The following ALMS1 variants were observed in gnomAD, a reference collection of about 807,000 sequenced individuals.
ALMS1 encodes ALMS1 centrosome and basal body associated protein.
Under a neutral mutation model 352.2 loss-of-function variants are expected in ALMS1, and 271 were observed. That is an observed-to-expected ratio of 0.77 (90% CI 0.70 to 0.85). The LOEUF (loss-of-function observed/expected upper bound fraction) is 0.85, where lower values mean the gene tolerates loss of function less well. ALMS1 is among the 40% of genes least tolerant of loss of function. ALMS1 has a pLI of 0.00. For synonymous variants in ALMS1, 1,865 were observed against 1,761.2 expected (o/e 1.06, Z -1.48); for missense variants, 5,445 against 4,870.7 (o/e 1.12, Z -3.51).
intron 10 of ALMS1, among the ~76,000 whole-genome samples, chr2:73,493,374 CACAG>C (rs1673032225): frequency 6.7e-6 from 1 of 149,414 alleles, no homozygotes; most frequent in South Asian, 2.1e-4. Flanking sequence ...CACACACACA[CACAG>C]ATGCATAAAA....
chr2:73,558,198 G>C (rs1674583727), intron 14 of ALMS1, among the ~76,000 whole-genome samples: 1 of 152,116 alleles, frequency 6.6e-6, no homozygotes, highest in Non-Finnish European at 1.5e-5. Context: ...CTAAAGTTAG[G>C]GTTCTGTTTA....
In ALMS1 at chr2:73,452,279, T is replaced by C. The variant is rs773937542; in HGVS notation, c.5752T>C (p.Leu1918=). Residue 1918 remains leucine (L), a synonymous_variant, in exon 8 of 23, where the codon TTA becomes CTA. Transcript: ENST00000613296. ...QELPDVTEEA[L]NVFVVPGQGD... is the part of the protein sequence containing the mutation. ...GTTGCCAGATGTTACTGAAGAAGCT[T>C]TAAATGTTTTTGTTGTTCCTGGACA... The C allele has an allele frequency of 6.2e-7, 1 of 1,613,956 alleles. No homozygotes were observed. The highest frequency in any genetic ancestry group is 8.5e-7 in the Non-Finnish European group (1 of 1,179,980).
At position 73,572,962 on chromosome 2, in the gene ALMS1, C is replaced by G. The variant is rs749056935; in HGVS notation, c.11085C>G (p.Ser3695Arg). ...AAAATACAGGCGAGCTTAAAAAAAG[C>G]AAGGTGCTTTCTCATCATCGAGCTG... ...SHKNTGELKK[S>R]KVLSHHRAGR... Residue 3695 changes from serine to arginine, a missense_variant, in exon 16 of 23, where the codon AGC becomes AGG. Physicochemically the swap from Ser to Arg is moderately radical, Grantham distance 110 (BLOSUM62 -1). Transcript: ENST00000613296. 1 of 1,614,068 alleles carries G rather than the reference C, an allele frequency of 6.2e-7. No homozygotes were observed. The highest frequency in any genetic ancestry group is 1.1e-5 in the South Asian group (1 of 91,076).
chr2:73,495,488 G>A (rs1391838352), intron 10 of ALMS1, among the ~76,000 whole-genome samples: 2 of 152,012 alleles, frequency 1.3e-5, no homozygotes, highest in Non-Finnish European at 2.9e-5. Context: ...TGCCCACCTC[G>A]GCCTCCCAAA....
In ALMS1 at chr2:73,491,129, C is replaced by T; in HGVS notation, c.9170C>T (p.Ser3057Phe). Residue 3057 changes from serine to phenylalanine, a missense_variant, in exon 10 of 23, where the codon TCC becomes TTC. Coordinates refer to ENST00000613296, the MANE Select transcript of ALMS1 (RefSeq NM_001378454.1). ...ATAACTCTTTGTCCCAAGACTTCTT[C>T]CAAGTTGGATAGTGGAACTTTAGAT... is the stretch of plus-strand genomic sequence containing the variant. ...VHITLCPKTSSKLDSGTLDER... is the reference protein window; with the variant it reads ...VHITLCPKTSFKLDSGTLDER... The T allele has an allele frequency of 6.2e-7, 1 of 1,614,136 alleles. No individual in the cohort carries two copies. The highest frequency in any genetic ancestry group is 8.5e-7 in the Non-Finnish European group (1 of 1,180,014).
intron 13 of ALMS1, 131 bp downstream of exon 13, chr2:73,550,568 A>G (rs1423872457): frequency 2.1e-5 from 25 of 1,170,472 alleles, no homozygotes; most frequent in Non-Finnish European, 3.0e-5. Context: ...TATATTGAGC[A>G]TATACAAGAA....
intron 6 of ALMS1, among the ~76,000 whole-genome samples, chr2:73,431,072 G>T (rs1455552832): frequency 6.6e-6 from 1 of 151,942 alleles, no homozygotes; most frequent in Non-Finnish European, 1.5e-5. Flanking sequence ...ATGGTGGGAG[G>T]CGTGTTTCCT....
intron 11 of ALMS1, among the ~76,000 whole-genome samples, chr2:73,530,132 T>A (rs1431335782): frequency 1.3e-5 from 2 of 152,000 alleles, no homozygotes; most frequent in Admixed American, 6.5e-5. Context: ...TTCCCAATAG[T>A]CCCCCAGAAT....
rs183861872 is a variant in ALMS1 at position 73,605,544 on chromosome 2, T to C, written c.12362+2240T>C. On this transcript the variant is annotated intron_variant, in intron 21 of 22. Transcript: ENST00000613296. ...TTTTCAGATTCCACCTTGCAACTAA[T>C]TTTTAAGAAGCTACCACTTGTCAGC... 1.5e-3 allele frequency among the ~76,000 whole-genome samples: 223 copies of C among 152,338 alleles called. 1 individual carries two copies. The highest frequency in any genetic ancestry group is 4.6e-3 in the African/African-American group (192 of 41,570).
Position 73,449,810 on chromosome 2 carries a change from A to G in ALMS1, c.3283A>G (p.Thr1095Ala). 2 of 1,613,976 alleles carry G rather than the reference A, an allele frequency of 1.2e-6. No individual in the cohort carries two copies. Among genetic ancestry groups the G allele is most frequent in the African/African-American group, 1.3e-5 (1 of 74,990 alleles). ...QMTDTPAVPS[T>A]FYSQREKPGI... ...GACTGACACACCAGCAGTACCGTCT[A>G]CTTTCTACTCACAAAGAGAGAAGCC... Residue 1095 changes from threonine to alanine, a missense_variant, in exon 8 of 23, where the codon ACT becomes GCT. Coordinates refer to ENST00000613296, the MANE Select transcript of ALMS1 (RefSeq NM_001378454.1).
In ALMS1 at chr2:73,603,324, A is replaced by T. The variant is rs770072893; in HGVS notation, c.12362+20A>T. On this transcript the variant is annotated intron_variant, in intron 21 of 22. Transcript: ENST00000613296. ...CAAACGGTAAGACCAAGAAAACAAG[A>T]GTACGTATACAAGTGTAAACCAGGC... The T allele has an allele frequency of 1.2e-6, 2 of 1,612,202 alleles. No individual in the cohort carries two copies. The highest frequency in any genetic ancestry group is 1.7e-6 in the Non-Finnish European group (2 of 1,179,074).
rs201868751 is a variant in ALMS1 at position 73,385,989 on chromosome 2, G to C, written c.121G>C (p.Val41Leu). 37 of 1,551,720 alleles carry C rather than the reference G, an allele frequency of 2.4e-5. No homozygotes were observed. In the Middle Eastern group the frequency reaches 8.3e-4, roughly 35 times the overall value. ...GGCGGCGGCGAACGTGGACGACGTA[G>C]TGGTCGTGGAGGAGGTGGAGGAAGA... ...AAAAANVDDVVVVEEVEEEAG... is the reference protein window; with the variant it reads ...AAAAANVDDVLVVEEVEEEAG... Residue 41 changes from valine to leucine, a missense_variant, in exon 1 of 23, where the codon GTG becomes CTG. Transcript: ENST00000613296.
Position 73,599,411 on chromosome 2 carries a change from A to G in ALMS1, c.11558A>G (p.His3853Arg), listed in dbSNP as rs758895187. 8 of 1,613,248 alleles carry G rather than the reference A, an allele frequency of 5.0e-6. No individual in the cohort carries two copies. The highest frequency in any genetic ancestry group is 3.3e-5 in the South Asian group (3 of 91,066). Residue 3853 changes from histidine (H) to arginine (R), a missense_variant, in exon 17 of 23, where the codon CAT becomes CGT. Transcript: ENST00000613296. ...TRRRHIQVAN[H>R]VISSDSISSS... ...CTTTTATTTTTCTAGGTAGCAAACC[A>G]TGTGATTTCTTCTGACTCTATTTCC...
chr2:73,490,584 T>C lies in ALMS1; in HGVS notation c.8625T>C (p.Asp2875=), dbSNP rs1403743198. The change falls in exon 10 of 23, where the codon GAT becomes GAC. Residue 2875 remains aspartate, a synonymous_variant. Transcript: ENST00000613296. The part of the protein sequence containing the change: ...VKEKNVTITP[D]LPSCIFLEQR... ...AGAAGAATGTAACTATAACTCCAGA[T>C]CTTCCTTCTTGCATTTTTCTTGAAC... 21 of 1,613,894 alleles carry C rather than the reference T, an allele frequency of 1.3e-5. No individual in the cohort carries two copies. The East Asian group carries it at 4.5e-4, about 34-fold the overall frequency.
chr2:73,459,603 C>A (rs560529945), intron 9 of ALMS1: 32 of 152,174 alleles, frequency 2.1e-4, no homozygotes, highest in African/African-American at 7.7e-4. Flanking sequence ...AGGGTCACAA[C>A]CTATCACTAT....
intron 8 of ALMS1, chr2:73,454,314 C>T: frequency 1.0e-6 from 1 of 984,538 alleles, no homozygotes; most frequent in Non-Finnish European, 1.2e-6. Flanking sequence ...TTAATAGTAC[C>T]AGCCTGAGTT....
chr2:73,396,034 T>G (rs1185986394), intron 1 of ALMS1, among the ~76,000 whole-genome samples: 1 of 152,196 alleles, frequency 6.6e-6, no homozygotes, highest in Non-Finnish European at 1.5e-5. Context: ...TTCATGGTCC[T>G]CGGCTGTGGG....
chr2:73,601,508 C>T, intron 19 of ALMS1, 72 bp downstream of exon 19: 1 of 1,575,226 alleles, frequency 6.3e-7, no homozygotes, highest in Non-Finnish European at 8.6e-7. Context: ...GAAGCTGGCT[C>T]TGTGACTTGG....
At chr2:73,479,791 G>A (rs888549732) in intron 9 of ALMS1, among the ~76,000 whole-genome samples, 5 of 152,092 alleles carry the variant, frequency 3.3e-5, no homozygotes, top group Admixed American at 6.6e-5. Context: ...TTGAAAGACA[G>A]GCCACACCTT....
Sources: gnomAD v4.1 joint callset for allele counts (sites outside exome capture counted in the v4.1 genomes callset) on GRCh38, gnomAD v4.1.1 for gene constraint, MANE v1.5 for transcripts, NCBI Gene and HGNC (gene_info 2026-07-23, HGNC 2026-07-21) for gene names.